Variants in HRK observed in about 807,000 individuals in gnomAD.
HRK encodes the protein harakiri, BCL2 interacting protein.
HRK carries 6 observed loss-of-function variants against 5.9 expected under a neutral mutation model. The ratio of observed to expected loss-of-function variants is 1.02; its 90% CI spans 0.56 to 2.01. The LOEUF is 2.01. Among genes scored for constraint, HRK ranks in the 30% most tolerant of loss-of-function variants. The pLI is 0.00. For synonymous variants in HRK, 85 were observed against 65.1 expected (o/e 1.31, Z -1.47); for missense variants, 133 against 128.3 (o/e 1.04, Z -0.18).
intron 1 of HRK, among the ~76,000 whole-genome samples, chr12:116,875,824 G>A (rs1031401152): frequency 1.3e-5 from 2 of 152,124 alleles, no homozygotes; most frequent in African/African-American, 4.8e-5. Context: ...GATTACAGGT[G>A]TGAGCCAGCA....
At chr12:116,870,280 A>G (rs1237545494) in intron 1 of HRK, among the ~76,000 whole-genome samples, 1 of 152,194 alleles carries the variant, frequency 6.6e-6, no homozygotes, top group East Asian at 1.9e-4. Context: ...TATTAGATGA[A>G]CATGATTCCT....
At position 116,860,936 on chromosome 12, in the gene HRK, T is replaced by C. The variant is rs930793082; in HGVS notation, c.*587A>G. ...GTACAGAGGGAGAGGCTAGGACGAGTCAAGAAATGGAGGCATCCCAGACTG... is the reference window on the plus strand; with the variant it reads ...GTACAGAGGGAGAGGCTAGGACGAGCCAAGAAATGGAGGCATCCCAGACTG... On this transcript the variant is annotated 3_prime_UTR_variant, in exon 2 of 2. Coordinates refer to ENST00000257572, the MANE Select transcript of HRK (RefSeq NM_003806.4). 5.9e-5 allele frequency: 9 copies of C among 151,680 alleles called. No individual in the cohort carries two copies. The highest frequency in any genetic ancestry group is 2.2e-4 in the African/African-American group (9 of 41,236). The allele number at this position is 151,680 out of a possible 1,614,324, so 9.4% of individuals were successfully genotyped here.
Position 116,878,351 on chromosome 12 carries a change from C to T in HRK, c.*56+2625G>A, listed in dbSNP as rs1180604357. 6.6e-6 allele frequency: 1 copy of T among 152,282 alleles called. No homozygotes were observed. Among genetic ancestry groups the T allele is most frequent in the Non-Finnish European group, 1.5e-5 (1 of 68,100 alleles). The allele number at this position is 152,282 out of a possible 1,614,324, so 9.4% of individuals were successfully genotyped here. A position where few individuals can be genotyped will look rare whatever the true frequency, so the allele number is the denominator to read the frequency against. ...ACCTAAGGTACAGCTGTGAACATTCCCCTTTTTCTTTTAGGGTAGGGAAGG... is the reference window on the plus strand; with the variant it reads ...ACCTAAGGTACAGCTGTGAACATTCTCCTTTTTCTTTTAGGGTAGGGAAGG... On this transcript the variant is annotated intron_variant, in intron 1 of 1. Transcript: ENST00000257572. This position sits in a 1 kb window ranked among gnomAD's most constrained non-coding sequence, Gnocchi z 4.4.
At chr12:116,863,485 G>A (rs1435583064) in intron 1 of HRK, among the ~76,000 whole-genome samples, 3 of 152,144 alleles carry the variant, frequency 2.0e-5, no homozygotes, top group South Asian at 2.1e-4. Flanking sequence ...ATTCACTCTC[G>A]CTGGTTTCCC....
At chr12:116,866,505 C>G (rs530239671) in intron 1 of HRK, among the ~76,000 whole-genome samples, 1 of 151,864 alleles carries the variant, frequency 6.6e-6, no homozygotes, top group Non-Finnish European at 1.5e-5. Flanking sequence ...TAGTTCATGT[C>G]GGCCAGGTAG....
chr12:116,873,005 G>A (rs1375655905), intron 1 of HRK, among the ~76,000 whole-genome samples: 2 of 152,190 alleles, frequency 1.3e-5, no homozygotes, highest in African/African-American at 4.8e-5. Flanking sequence ...AAGGTAGAAA[G>A]GCTTAGAATC....
In HRK at chr12:116,879,196, C is replaced by G. The variant is rs1157404729; in HGVS notation, c.*56+1780G>C. ...AGAGCGTTTCCAATCTCCTGGACGA[C>G]AGAACCAGAGAAAGCCGTGTCCCAG... On this transcript the variant is annotated intron_variant, in intron 1 of 1. Coordinates refer to ENST00000257572, the MANE Select transcript of HRK (RefSeq NM_003806.4). The surrounding 1 kb of genome is among the most constrained non-coding windows in gnomAD (Gnocchi z 5.6). 1 of 152,304 alleles carries G rather than the reference C, an allele frequency of 6.6e-6. No homozygotes were observed. The highest frequency in any genetic ancestry group is 1.5e-5 in the Non-Finnish European group (1 of 68,094). The allele number at this position is 152,304 out of a possible 1,614,324, so 9.4% of individuals were successfully genotyped here.
At chr12:116,867,328 G>T (rs1297462486) in intron 1 of HRK, among the ~76,000 whole-genome samples, 1 of 151,774 alleles carries the variant, frequency 6.6e-6, no homozygotes, top group East Asian at 2.0e-4. Flanking sequence ...ATTTTTAGTA[G>T]AGATGGGGTT....
At position 116,861,008 on chromosome 12, in the gene HRK, C is replaced by G. The variant is rs1217418892; in HGVS notation, c.*515G>C. On this transcript the variant is annotated 3_prime_UTR_variant, in exon 2 of 2. Transcript: ENST00000257572. ...GTCCTCACTTTTTTTTTCTATCATG[C>G]CTTTTGCACTGTTACCTCTTATTCC... 4 of 152,072 alleles carry G rather than the reference C, an allele frequency of 2.6e-5. No homozygotes were observed. The highest frequency in any genetic ancestry group is 7.2e-5 in the African/African-American group (3 of 41,400). The allele number at this position is 152,072 out of a possible 1,614,324, so 9.4% of individuals were successfully genotyped here.
Position 116,881,116 on chromosome 12 carries a change from C to T in HRK, c.192G>A (p.Ala64=), listed in dbSNP as rs1879132310. Residue 64 remains alanine (A), a synonymous_variant, in exon 1 of 2, where the codon GCG becomes GCA. Transcript: ENST00000257572. The part of the protein sequence containing the change: ...ARSRRAPAPG[A]LPTYWPWLCA... ...ACAGCCAAGGCCAGTAGGTGGGGAG[C>T]GCGCCGGGCGCCGGCGCCCTCCGGC... is the stretch of plus-strand genomic sequence containing the variant. The T allele has an allele frequency of 2.4e-6, 3 of 1,227,278 alleles. No individual in the cohort carries two copies. Among genetic ancestry groups the T allele is most frequent in the Non-Finnish European group, 3.0e-6 (3 of 985,510 alleles). The allele number at this position is 1,227,278 out of a possible 1,614,324, so 76.0% of individuals were successfully genotyped here. A position where few individuals can be genotyped will look rare whatever the true frequency, so the allele number is the denominator to read the frequency against.
intron 1 of HRK, among the ~76,000 whole-genome samples, chr12:116,866,511 G>A (rs2137246394): frequency 6.6e-6 from 1 of 152,212 alleles, no homozygotes; most frequent in Middle Eastern, 3.4e-3. Flanking sequence ...ATGTCGGCCA[G>A]GTAGGAAGCT....
At chr12:116,870,820 G>T (rs1878718152) in intron 1 of HRK, among the ~76,000 whole-genome samples, 1 of 152,100 alleles carries the variant, frequency 6.6e-6, no homozygotes. Flanking sequence ...AAAGGCCAAT[G>T]ACATGAATGA....
rs999631086 is a variant in HRK, at chr12:116,862,558, G to C, written c.*57-1092C>G. Among the ~76,000 whole-genome samples the C allele has an allele frequency of 1.3e-5, 2 of 152,202 alleles. No homozygotes were observed. The highest frequency in any genetic ancestry group is 4.8e-5 in the African/African-American group (2 of 41,456). On this transcript the variant is annotated intron_variant, in intron 1 of 1. Transcript: ENST00000257572. The surrounding 1 kb of genome is among the most constrained non-coding windows in gnomAD (Gnocchi z 4.0). ...GGAGAATGGTGGTTGCCTAGGGCCG[G>C]GGCGGATAGGAGGAATTGGGGAGTG...
chr12:116,858,187 A>T lies in HRK; in HGVS notation c.*3336T>A, dbSNP rs1446568874. ...TAAGAGATGCGCAGGGCCAAAAAAA[A>T]CCCAAAAAAAAACAAAACAGGAACT... On this transcript the variant is annotated 3_prime_UTR_variant, in exon 2 of 2. Transcript: ENST00000257572. 1 of 149,356 alleles carries T rather than the reference A, an allele frequency of 6.7e-6. No homozygotes were observed. The highest frequency in any genetic ancestry group is 1.5e-5 in the Non-Finnish European group (1 of 67,640). 9.3% of individuals were successfully genotyped at this position (149,356 alleles called of 1,614,324 possible). A position where few individuals can be genotyped will look rare whatever the true frequency, so the allele number is the denominator to read the frequency against.
chr12:116,866,679 A>G (rs1878558312), intron 1 of HRK, among the ~76,000 whole-genome samples: 1 of 152,098 alleles, frequency 6.6e-6, no homozygotes, highest in African/African-American at 2.4e-5. Context: ...ATCAGCTACT[A>G]GATAGTGATT....
chr12:116,868,292 G>T (rs887942529), intron 1 of HRK, among the ~76,000 whole-genome samples: 13 of 151,966 alleles, frequency 8.6e-5, no homozygotes, highest in Admixed American at 6.6e-4. Flanking sequence ...AGAAAACCAC[G>T]CAGGTCAAAC....
At chr12:116,874,194 T>C (rs921953528) in intron 1 of HRK, among the ~76,000 whole-genome samples, 2 of 152,136 alleles carry the variant, frequency 1.3e-5, no homozygotes, top group African/African-American at 4.8e-5. Context: ...CTGGGACTCA[T>C]TCATCTCTGC....
At chr12:116,864,816 C>T (rs1348126303) in intron 1 of HRK, among the ~76,000 whole-genome samples, 9 of 152,068 alleles carry the variant, frequency 5.9e-5, no homozygotes, top group Non-Finnish European at 1.2e-4. Context: ...TTTTTCCAAG[C>T]AGCAGTAGTA....
chr12:116,859,133 T>G lies in HRK; in HGVS notation c.*2390A>C, dbSNP rs1878265149. 1 of 152,160 alleles carries G rather than the reference T, an allele frequency of 6.6e-6. No homozygotes were observed. 9.4% of individuals were successfully genotyped at this position (152,160 alleles called of 1,614,324 possible). ...AGAAGCTCTATCAGGAGGTCGTGGG[T>G]GCCCCAGTTCTCTCAGCAAAGTGGC... On this transcript the variant is annotated 3_prime_UTR_variant, in exon 2 of 2. Transcript: ENST00000257572.
Sources: allele counts gnomAD v4.1 joint callset (sites outside exome capture counted in the v4.1 genomes callset), GRCh38; gene constraint gnomAD v4.1.1; non-coding constraint Gnocchi (gnomAD v3.1); transcripts MANE v1.5; gene names NCBI Gene and HGNC (gene_info 2026-07-23, HGNC 2026-07-21).